Variants in VTA1 observed in about 807,000 individuals in gnomAD.
The protein encoded by VTA1 is vesicle trafficking 1, also known as vacuolar protein sorting-associated protein VTA1 homolog.
VTA1 carries 24 observed loss-of-function variants against 36.9 expected under a neutral mutation model. The ratio of observed to expected loss-of-function variants is 0.65; its 90% CI spans 0.47 to 0.91. The LOEUF is 0.91. VTA1 is among the 40% of genes least tolerant of loss of function. VTA1 has a pLI of 0.00. For synonymous variants in VTA1, 142 were observed against 130.2 expected (o/e 1.09, Z -0.62); for missense variants, 393 against 377.2 (o/e 1.04, Z -0.35).
intron 1 of VTA1, among the ~76,000 whole-genome samples, chr6:142,149,415 T>C (rs1778522433): frequency 6.6e-6 from 1 of 152,216 alleles, no homozygotes; most frequent in Non-Finnish European, 1.5e-5. Context: ...TATTAAACTT[T>C]TTAATTTTTG....
intron 1 of VTA1, among the ~76,000 whole-genome samples, chr6:142,162,535 A>T (rs962689450): frequency 6.6e-6 from 1 of 152,170 alleles, no homozygotes; most frequent in African/African-American, 2.4e-5. Context: ...TTCGAGATTA[A>T]AGTGTGTTTG....
intron 2 of VTA1, among the ~76,000 whole-genome samples, chr6:142,167,569 G>T (rs1026451478): frequency 1.3e-5 from 2 of 152,152 alleles, no homozygotes; most frequent in Non-Finnish European, 2.9e-5. Flanking sequence ...ATTGTTAGGA[G>T]GTTATGATTC....
chr6:142,204,098 T>A (rs553246582), intron 7 of VTA1, 33 bp downstream of exon 7: 187 of 1,589,162 alleles, frequency 1.2e-4, no homozygotes, highest in Non-Finnish European at 1.6e-4. Context: ...GAGATACATT[T>A]ATCTCCTGTT....
chr6:142,179,420 AGT>A (rs1409082873), intron 4 of VTA1, among the ~76,000 whole-genome samples: 1 of 152,142 alleles, frequency 6.6e-6, no homozygotes, highest in Non-Finnish European at 1.5e-5. Context: ...CTTGTTGAGG[AGT>A]GCTTATGGGA....
intron 7 of VTA1, among the ~76,000 whole-genome samples, chr6:142,216,034 T>C (rs919944903): frequency 1.3e-5 from 2 of 152,174 alleles, no homozygotes; most frequent in Non-Finnish European, 2.9e-5. Flanking sequence ...AAGAGAGATA[T>C]ATTAGACAAC....
At chr6:142,202,040 G>GT (rs1484718964) in intron 6 of VTA1, among the ~76,000 whole-genome samples, 1 of 151,836 alleles carries the variant, frequency 6.6e-6, no homozygotes, top group African/African-American at 2.4e-5. Context: ...GATTTACCTT[G>GT]TTTTTTAAGA....
chr6:142,183,824 TG>T (rs1377022035), intron 4 of VTA1, among the ~76,000 whole-genome samples: 1 of 152,222 alleles, frequency 6.6e-6, no homozygotes, highest in African/African-American at 2.4e-5. Flanking sequence ...GGAATAGGGA[TG>T]TTTTGGAAAC....
chr6:142,202,936 G>C (rs1200177585), intron 6 of VTA1, among the ~76,000 whole-genome samples: 3 of 151,930 alleles, frequency 2.0e-5, no homozygotes, highest in African/African-American at 7.2e-5. Flanking sequence ...TACAGAGCGA[G>C]TTTGTCCTGG....
chr6:142,198,122 T>TGTGTGTGG (rs1775600458), intron 5 of VTA1, among the ~76,000 whole-genome samples: 1 of 42,794 alleles, frequency 2.3e-5, no homozygotes, highest in Non-Finnish European at 6.9e-5. Flanking sequence ...TATATATATG[T>TGTGTGTGG]GTGTGTGTGT....
Position 142,157,468 on chromosome 6 carries a change from A to G in VTA1, c.113-8760A>G, listed in dbSNP as rs150583082. On this transcript the variant is annotated intron_variant, in intron 1 of 7. Coordinates refer to ENST00000367630, the MANE Select transcript of VTA1 (RefSeq NM_016485.5). ...ATTCCTCTTAAGTTTGTTTTTGTGAACATATATGCAAACATGAGTTTTATT... is the reference window on the plus strand; with the variant it reads ...ATTCCTCTTAAGTTTGTTTTTGTGAGCATATATGCAAACATGAGTTTTATT... Among the ~76,000 whole-genome samples, 468 of 152,374 alleles carry G rather than the reference A, an allele frequency of 3.1e-3. 2 individuals are homozygous for G. The highest frequency in any genetic ancestry group is 0.011 in the African/African-American group (443 of 41,594).
At chr6:142,204,809 C>T (rs1218496293) in intron 7 of VTA1, among the ~76,000 whole-genome samples, 1 of 152,088 alleles carries the variant, frequency 6.6e-6, no homozygotes, top group East Asian at 1.9e-4. Flanking sequence ...ACTGCAACCT[C>T]TGCCTCCCGG....
At chr6:142,192,087 AT>A (rs1206494989) in intron 5 of VTA1, among the ~76,000 whole-genome samples, 1 of 152,108 alleles carries the variant, frequency 6.6e-6, no homozygotes, top group Non-Finnish European at 1.5e-5. Context: ...TGAATACCAC[AT>A]CACTGTGACA....
At chr6:142,181,434 G>GAC (rs1215609422) in intron 4 of VTA1, among the ~76,000 whole-genome samples, 2 of 131,544 alleles carry the variant, frequency 1.5e-5, no homozygotes, top group Non-Finnish European at 3.1e-5. Flanking sequence ...TGCCAGGCCT[G>GAC]ACACACACAC....
At chr6:142,165,681 A>G (rs553700137) in intron 1 of VTA1, among the ~76,000 whole-genome samples, 2 of 152,194 alleles carry the variant, frequency 1.3e-5, no homozygotes, top group African/African-American at 2.4e-5. Flanking sequence ...TGGGAAAGCT[A>G]CTGAAATTGT....
At chr6:142,169,462 A>C (rs1774987316) in intron 2 of VTA1, 88 bp from the exon 3 acceptor site, 1 of 1,351,316 alleles carries the variant, frequency 7.4e-7, no homozygotes, top group African/African-American at 1.5e-5. Flanking sequence ...AAAATAATTT[A>C]CTTAAAATGA....
Position 142,193,067 on chromosome 6 carries a change from G to A in VTA1, c.520+3533G>A, listed in dbSNP as rs186420451. Among the ~76,000 whole-genome samples the A allele has an allele frequency of 3.3e-5, 5 of 152,166 alleles. No individual in the cohort carries two copies. In the East Asian group the frequency reaches 7.7e-4, roughly 23 times the overall value. Reference sequence around the variant, plus strand: ...TTCTCATGCACATAGATCACACGTTGCATCTGGGTGCCATATCTCTTCAGT... The same window carrying A: ...TTCTCATGCACATAGATCACACGTTACATCTGGGTGCCATATCTCTTCAGT... On this transcript the variant is annotated intron_variant, in intron 5 of 7. Transcript: ENST00000367630.
intron 4 of VTA1, among the ~76,000 whole-genome samples, chr6:142,184,568 G>C (rs1271175644): frequency 6.6e-6 from 1 of 152,162 alleles, no homozygotes; most frequent in African/African-American, 2.4e-5. Context: ...GGAAATGAGG[G>C]TGCTTCATAG....
intron 5 of VTA1, among the ~76,000 whole-genome samples, chr6:142,196,817 A>C (rs1407458896): frequency 6.6e-6 from 1 of 151,896 alleles, no homozygotes; most frequent in African/African-American, 2.4e-5. Flanking sequence ...GCATCCTGTT[A>C]TCTTTCTCTG....
intron 1 of VTA1, among the ~76,000 whole-genome samples, chr6:142,153,760 T>C (rs1293278208): frequency 6.6e-6 from 1 of 152,112 alleles, no homozygotes; most frequent in Non-Finnish European, 1.5e-5. Context: ...TTCTCTCATA[T>C]TTGAAACATC....
Sources: gnomAD v4.1 joint callset for allele counts (sites outside exome capture counted in the v4.1 genomes callset) on GRCh38, gnomAD v4.1.1 for gene constraint, MANE v1.5 for transcripts, NCBI Gene and HGNC (gene_info 2026-07-23, HGNC 2026-07-21) for gene names.